Variants in SLC25A45 observed in about 807,000 individuals in gnomAD.
SLC25A45 encodes solute carrier family 25 member 45.
Under a neutral mutation model 23.0 loss-of-function variants are expected in SLC25A45, and 22 were observed. The observed-to-expected ratio is 0.95, with a 90% confidence interval of 0.68 to 1.36. SLC25A45 has a LOEUF of 1.36. Among genes scored for constraint, SLC25A45 ranks in the 40% most tolerant of loss-of-function variants. SLC25A45 has a pLI of 0.00. For synonymous variants in SLC25A45, 136 were observed against 155.0 expected, an observed-to-expected ratio of 0.88 and a Z score of 0.91; for missense variants, 355 against 383.5, an observed-to-expected ratio of 0.93 and a Z score of 0.62.
At chr11:65,379,830 C>G (rs774987923) in intron 4 of SLC25A45, 37 bp downstream of exon 4, 11 of 1,612,926 alleles carry the variant, frequency 6.8e-6, no homozygotes, top group Non-Finnish European at 9.3e-6. Context: ...GATGCCTCCC[C>G]GAAAGGGGAA....
intron 5 of SLC25A45, chr11:65,378,948 A>C: frequency 1.1e-5 from 2 of 180,730 alleles, no homozygotes; most frequent in Non-Finnish European, 2.3e-5. Flanking sequence ...GTGTAGAGCC[A>C]GGCAGGGCCA....
chr11:65,380,641 G>A, intron 2 of SLC25A45: 5 of 1,286,628 alleles, frequency 3.9e-6, no homozygotes, highest in South Asian at 1.2e-5. Context: ...CCCTGATGGG[G>A]GTCATGCCTG....
rs1213495292 is a variant in SLC25A45 at position 65,376,814 on chromosome 11, T to C, written c.598+4A>G. 6.2e-7 allele frequency: 1 copy of C among 1,614,106 alleles called. No individual in the cohort carries two copies. The highest frequency in any genetic ancestry group is 8.5e-7 in the Non-Finnish European group (1 of 1,180,056). On this transcript the variant is annotated splice_donor_region_variant and intron_variant, in intron 6 of 6. Coordinates refer to ENST00000398802, the MANE Select transcript of SLC25A45 (RefSeq NM_182556.4). ...CCCCCATCCTCTCACGCCACTTTAC[T>C]TACTGGGATTCTGGCCTTCTGGTGT...
At chr11:65,379,591 G>C (rs758693378) in intron 4 of SLC25A45, 30 bp from the exon 5 acceptor site, 33 of 1,574,452 alleles carry the variant, frequency 2.1e-5, no homozygotes, top group Non-Finnish European at 2.7e-5. Context: ...CAGCGGAGTA[G>C]GCACCGTGGG....
intron 2 of SLC25A45, chr11:65,381,560 C>A (rs1234767914): frequency 2.4e-5 from 2 of 84,694 alleles, no homozygotes; most frequent in Non-Finnish European, 2.1e-5. Flanking sequence ...TGCCCTGATT[C>A]TTTTTTTTTT....
At chr11:65,380,204 AG>A (rs1443828219) in intron 2 of SLC25A45, 29 bp from the exon 3 acceptor site, 5 of 1,613,932 alleles carry the variant, frequency 3.1e-6, no homozygotes, top group Non-Finnish European at 4.2e-6. Context: ...GCTATGAGTG[AG>A]GGCCCTCGTG....
In SLC25A45 at chr11:65,382,165, A is replaced by T. The variant is rs567836326; in HGVS notation, c.-18-196T>A. Reference sequence around the variant, plus strand: ...CACCTGGAGGAGTCGTGCAGAGTACAGTCTCACGGGCCAGGCGTGCCGGGA... The same window carrying T: ...CACCTGGAGGAGTCGTGCAGAGTACTGTCTCACGGGCCAGGCGTGCCGGGA... On this transcript the variant is annotated intron_variant, in intron 1 of 6. Coordinates refer to ENST00000398802, the MANE Select transcript of SLC25A45 (RefSeq NM_182556.4). The surrounding 1 kb of genome is among the most constrained non-coding windows in gnomAD (Gnocchi z 4.4). The T allele has an allele frequency of 3.4e-6, 2 of 596,810 alleles. No individual in the cohort carries two copies. The highest frequency in any genetic ancestry group is 6.0e-6 in the Non-Finnish European group (2 of 331,234). 37.0% of individuals were successfully genotyped at this position (596,810 alleles called of 1,614,324 possible). A position where few individuals can be genotyped will look rare whatever the true frequency, so the allele number is the denominator to read the frequency against.
At chr11:65,377,146 G>A (rs2137774087) in intron 5 of SLC25A45, 70 bp from the exon 6 acceptor site, 2 of 1,533,546 alleles carry the variant, frequency 1.3e-6, no homozygotes, top group South Asian at 1.3e-5. Flanking sequence ...ATATTCACAA[G>A]AGGAAGGAGG....
intron 2 of SLC25A45, chr11:65,381,704 G>A (rs1037764837): frequency 1.7e-6 from 1 of 574,286 alleles, no homozygotes; most frequent in Non-Finnish European, 3.2e-6. Context: ...ACAGGTGTGA[G>A]CCACCATGCC....
intron 3 of SLC25A45, 94 bp downstream of exon 3, chr11:65,380,038 G>A (rs1412582845): frequency 1.3e-6 from 2 of 1,585,786 alleles, no homozygotes; most frequent in African/African-American, 2.7e-5. Context: ...AGGAGAGGCA[G>A]GAAAGGCAAG....
chr11:65,380,295 C>T, intron 2 of SLC25A45, 120 bp from the exon 3 acceptor site: 1 of 1,422,982 alleles, frequency 7.0e-7, no homozygotes, highest in Non-Finnish European at 9.8e-7. Context: ...ATCTCAGACA[C>T]ATGCAGCCAC....
chr11:65,379,968 G>A (rs748784068), intron 3 of SLC25A45, 30 bp from the exon 4 acceptor site: 3 of 1,613,554 alleles, frequency 1.9e-6, no homozygotes, highest in Admixed American at 1.7e-5. Flanking sequence ...AGGTAGGGTG[G>A]CGGGATGGGC....
chr11:65,376,114 A>C lies in SLC25A45; in HGVS notation c.*293T>G. The C allele has an allele frequency of 4.3e-6, 2 of 468,752 alleles. No homozygotes were observed. 29.0% of individuals were successfully genotyped at this position (468,752 alleles called of 1,614,324 possible). On this transcript the variant is annotated 3_prime_UTR_variant, in exon 7 of 7. Transcript: ENST00000398802. Reference sequence around the variant, plus strand: ...AAAAGAGGTGAAGGCACAGGACAGGAGCTGGGATGTCACCAGCACCACTTG... The same window carrying C: ...AAAAGAGGTGAAGGCACAGGACAGGCGCTGGGATGTCACCAGCACCACTTG...
In SLC25A45 at chr11:65,376,974, C is replaced by G. The variant is rs762014511; in HGVS notation, c.442G>C (p.Val148Leu). The G allele has an allele frequency of 1.9e-6, 3 of 1,613,018 alleles. No homozygotes were observed. The highest frequency in any genetic ancestry group is 3.3e-5 in the Admixed American group (2 of 59,890). ...GSPPPRYQGP[V>L]HCAASIFREE... ...CGGAAGATGGAGGCTGCACAGTGCA[C>G]GGGCCCCTGGTACCGGGGTGGGGGG... is the stretch of plus-strand genomic sequence containing the variant. The change falls in exon 6 of 7, where the codon GTG becomes CTG. Residue 148 changes from valine (V) to leucine (L), a missense_variant. Val to Leu is a conservative substitution (Grantham distance 32). Coordinates refer to ENST00000398802, the MANE Select transcript of SLC25A45 (RefSeq NM_182556.4).
intron 5 of SLC25A45, chr11:65,377,654 G>T (rs1187757202): frequency 6.5e-6 from 1 of 154,846 alleles, no homozygotes; most frequent in Non-Finnish European, 1.4e-5. Flanking sequence ...GGTGGGTAAT[G>T]GGGGGACTTG....
Position 65,379,769 on chromosome 11 carries a change from C to T in SLC25A45, c.153+98G>A. 5 of 1,498,810 alleles carry T rather than the reference C, an allele frequency of 3.3e-6. No individual in the cohort carries two copies. The Admixed American group carries it at 8.9e-5, about 27-fold the overall frequency. 92.8% of individuals were successfully genotyped at this position (1,498,810 alleles called of 1,614,324 possible). A position where few individuals can be genotyped will look rare whatever the true frequency, so the allele number is the denominator to read the frequency against. On this transcript the variant is annotated intron_variant, in intron 4 of 6. Transcript: ENST00000398802. ...AAGGATCCCAGACTTGGTCTTCTCTCCTCCAGGAGCAGAACCCTGCTGGAG... is the reference window on the plus strand; with the variant it reads ...AAGGATCCCAGACTTGGTCTTCTCTTCTCCAGGAGCAGAACCCTGCTGGAG...
intron 2 of SLC25A45, chr11:65,381,051 A>T (rs975091435): frequency 6.5e-6 from 1 of 154,776 alleles, no homozygotes; most frequent in Non-Finnish European, 1.4e-5. Context: ...GCACCCTCCC[A>T]CCTGTGCCTT....
chr11:65,378,911 C>G (rs1273950733), intron 5 of SLC25A45: 3 of 166,130 alleles, frequency 1.8e-5, no homozygotes, highest in Non-Finnish European at 2.6e-5. Context: ...GCTCCCAGGT[C>G]ATGGGCACCC....
Position 65,376,605 on chromosome 11 carries a change from G to C in SLC25A45, c.669C>G (p.Asp223Glu), listed in dbSNP as rs17857132. The change falls in exon 7 of 7, where the codon GAC becomes GAG. Residue 223 changes from aspartate to glutamate, a missense_variant. Physicochemically the swap from Asp to Glu is conservative, Grantham distance 45. Transcript: ENST00000398802. ...IASWVAATPL[D>E]MIKSRMQMDG... ...CCATCTGCATCCGGGACTTGATCATGTCTAAGGGCGTGGCTGCCACCCAGG... is the reference window on the plus strand; with the variant it reads ...CCATCTGCATCCGGGACTTGATCATCTCTAAGGGCGTGGCTGCCACCCAGG... The C allele has an allele frequency of 6.2e-7, 1 of 1,614,064 alleles. No homozygotes were observed. Among genetic ancestry groups the C allele is most frequent in the Non-Finnish European group, 8.5e-7 (1 of 1,179,986 alleles).
Sources: gnomAD v4.1 joint callset for allele counts on GRCh38, gnomAD v4.1.1 for gene constraint, Gnocchi (gnomAD v3.1) non-coding constraint, MANE v1.5 for transcripts, NCBI Gene and HGNC (gene_info 2026-07-23, HGNC 2026-07-21) for gene names.